PRSS55: variants seen among roughly 807,000 people sequenced by gnomAD.
PRSS55 encodes probable serine protease UNQ9391/PRO34284.
PRSS55 carries 41 observed loss-of-function variants against 23.6 expected under a neutral mutation model. The observed-to-expected ratio is 1.74, with a 90% CI of 1.35 to 2.26. The LOEUF is 2.26. Among genes scored for constraint, PRSS55 ranks in the 30% most tolerant of loss-of-function variants. The pLI is 0.00. For synonymous variants in PRSS55, 262 were observed against 175.5 expected (o/e 1.49, Z -3.90); for missense variants, 669 against 439.1 (o/e 1.52, Z -4.68).
chr8:10,545,081 G>A (rs1182499294), intron 4 of PRSS55: 1 of 893,476 alleles, frequency 1.1e-6, no homozygotes, highest in Non-Finnish European at 1.3e-6. Flanking sequence ...CAGGGCTTTT[G>A]GTTTTTGGTT....
At chr8:10,526,351 G>T (rs1812022398) in intron 1 of PRSS55, among the ~76,000 whole-genome samples, 1 of 152,216 alleles carries the variant, frequency 6.6e-6, no homozygotes, top group African/African-American at 2.4e-5. Flanking sequence ...GCCCCAGGGG[G>T]AAATGATAGA....
chr8:10,547,243 A>C (rs1194504921), intron 4 of PRSS55, among the ~76,000 whole-genome samples: 1 of 152,182 alleles, frequency 6.6e-6, no homozygotes, highest in African/African-American at 2.4e-5. Context: ...GTAGTGGTCC[A>C]GGCGTGCGCC....
In PRSS55 at chr8:10,538,631, C is replaced by T; in HGVS notation, c.897C>T (p.Thr299=). 1.2e-6 allele frequency: 2 copies of T among 1,614,086 alleles called. No individual in the cohort carries two copies. The highest frequency in any genetic ancestry group is 1.7e-5 in the Admixed American group (1 of 60,020). The part of the protein sequence containing the change: ...VNYNLWIEKV[T]QLEGRPFNAE... ...ACAACCTCTGGATCGAGAAAGTGAC[C>T]CAGCTAGAGGGCAGGCCCTTCAATG... Residue 299 remains threonine, a synonymous_variant, in exon 5 of 5, where the codon ACC becomes ACT. Coordinates refer to ENST00000328655, the MANE Select transcript of PRSS55 (RefSeq NM_198464.4).
intron 4 of PRSS55, among the ~76,000 whole-genome samples, chr8:10,545,809 G>A (rs1812803388): frequency 6.6e-6 from 1 of 152,182 alleles, no homozygotes; most frequent in African/African-American, 2.4e-5. Flanking sequence ...GCTTAATTGG[G>A]CACTGTTGCT....
At chr8:10,535,023 T>A (rs1237837799) in intron 4 of PRSS55, among the ~76,000 whole-genome samples, 1 of 152,030 alleles carries the variant, frequency 6.6e-6, no homozygotes, top group African/African-American at 2.4e-5. Context: ...AGGTGAAAGA[T>A]CTCTACAATA....
chr8:10,552,603 A>G (rs1044521302), intron 4 of PRSS55, among the ~76,000 whole-genome samples: 3 of 152,244 alleles, frequency 2.0e-5, no homozygotes, highest in Non-Finnish European at 4.4e-5. Flanking sequence ...CCCAATTTAA[A>G]AATGGGCAAA....
chr8:10,532,706 T>G (rs1351264736), intron 3 of PRSS55, among the ~76,000 whole-genome samples, 200 bp from the exon 4 acceptor site: 1 of 152,154 alleles, frequency 6.6e-6, no homozygotes, highest in African/African-American at 2.4e-5. Context: ...AGAAGAATAG[T>G]TCCAGTAGCT....
chr8:10,531,707 C>G (rs1344860275), intron 3 of PRSS55, 162 bp downstream of exon 3: 23 of 974,370 alleles, frequency 2.4e-5, no homozygotes, highest in Middle Eastern at 3.3e-4. Flanking sequence ...GTGCCGAAAC[C>G]CCAAGGTGAG....
rs147875841 is a variant in PRSS55, at chr8:10,531,310, T to A, written c.363T>A (p.Ser121Arg). The A allele has an allele frequency of 2.1e-4, 338 of 1,614,040 alleles. 2 individuals are homozygous for A. In the East Asian group the frequency reaches 7.4e-3, roughly 35 times the overall value. The change falls in exon 3 of 5, where the codon AGT becomes AGA. Residue 121 changes from serine (S) to arginine (R), a missense_variant. Ser to Arg is a moderately radical substitution (Grantham distance 110). Coordinates refer to ENST00000328655, the MANE Select transcript of PRSS55 (RefSeq NM_198464.4). ...CTGCCACCAGTCCAGAAGAACTGAGTGTCGTGCTGGGGACCAACGACTTAA... is the reference window on the plus strand; with the variant it reads ...CTGCCACCAGTCCAGAAGAACTGAGAGTCGTGCTGGGGACCAACGACTTAA... ...YSEELFPEEL[S>R]VVLGTNDLTS...
downstream of PRSS55, among the ~76,000 whole-genome samples, chr8:10,543,406 T>TTTC (rs1411881241): frequency 3.9e-5 from 3 of 77,522 alleles, no homozygotes; most frequent in Non-Finnish European, 6.3e-5. Context: ...TTTTTCTTTC[T>TTTC]TTCTTTCTTC....
intron 4 of PRSS55, among the ~76,000 whole-genome samples, chr8:10,536,113 G>A (rs943864356): frequency 1.3e-5 from 2 of 152,294 alleles, no homozygotes; most frequent in Non-Finnish European, 2.9e-5. Flanking sequence ...GTGAACCCAG[G>A]AGGCGGAGCT....
Position 10,530,852 on chromosome 8 carries a change from T to G in PRSS55, c.348-443T>G, listed in dbSNP as rs146215018. 5.3e-5 allele frequency among the ~76,000 whole-genome samples: 8 copies of G among 152,294 alleles called. No individual in the cohort carries two copies. In the East Asian group the frequency reaches 1.5e-3, roughly 29 times the overall value. On this transcript the variant is annotated intron_variant, in intron 2 of 4. Transcript: ENST00000328655. ...CTGAAGATCCTGTCTGCTTGGTCAGTGGCAGGTCTAGACTAACTTCTGGTC... is the reference window on the plus strand; with the variant it reads ...CTGAAGATCCTGTCTGCTTGGTCAGGGGCAGGTCTAGACTAACTTCTGGTC...
chr8:10,525,652 C>G lies in PRSS55; in HGVS notation c.67C>G (p.Pro23Ala), dbSNP rs1811988970. The G allele has an allele frequency of 1.2e-6, 2 of 1,614,164 alleles. No individual in the cohort carries two copies. The highest frequency in any genetic ancestry group is 1.7e-6 in the Non-Finnish European group (2 of 1,180,020). ...GGGAACTCAGCTCGGTCCACGGACT[C>G]CTCTCCCAGAGGCTGGAGTGGCTAT... ...VTGTQLGPRT[P>A]LPEAGVAILG... Residue 23 changes from proline (P) to alanine (A), a missense_variant, in exon 1 of 5, where the codon CCT (proline) becomes GCT (alanine). By Grantham distance (27) the Pro-to-Ala change is conservative. Coordinates refer to ENST00000328655, the MANE Select transcript of PRSS55 (RefSeq NM_198464.4).
At chr8:10,551,609 G>A (rs1210955176) in intron 4 of PRSS55, among the ~76,000 whole-genome samples, 1 of 152,204 alleles carries the variant, frequency 6.6e-6, no homozygotes, top group South Asian at 2.1e-4. Flanking sequence ...CCCACAGAGG[G>A]GCTTCACCTC....
At chr8:10,538,349 C>G (rs536028468) in intron 4 of PRSS55, 127 bp from the exon 5 acceptor site, 2 of 706,224 alleles carry the variant, frequency 2.8e-6, no homozygotes, top group East Asian at 5.3e-5. Context: ...TCCCGTGGAG[C>G]AGGGATGGGG....
At chr8:10,529,878 T>TGAG (rs1812187313) in intron 2 of PRSS55, among the ~76,000 whole-genome samples, 179 bp downstream of exon 2, 1 of 152,196 alleles carries the variant, frequency 6.6e-6, no homozygotes, top group South Asian at 2.1e-4. Context: ...GTAGCCAGCC[T>TGAG]GAGGCTGTGT....
chr8:10,546,979 A>G (rs1171095814), intron 4 of PRSS55, among the ~76,000 whole-genome samples: 1 of 152,058 alleles, frequency 6.6e-6, no homozygotes, highest in Non-Finnish European at 1.5e-5. Context: ...ACGGTGTCCG[A>G]CCCAGCCCTC....
intron 1 of PRSS55, among the ~76,000 whole-genome samples, chr8:10,526,292 C>T (rs374655787): frequency 2.1e-4 from 32 of 152,324 alleles, no homozygotes; most frequent in African/African-American, 5.0e-4. Context: ...TCTCAGACAA[C>T]GTGTGGATGA....
At chr8:10,536,467 G>A (rs534020382) in intron 4 of PRSS55, among the ~76,000 whole-genome samples, 7 of 152,298 alleles carry the variant, frequency 4.6e-5, no homozygotes, top group African/African-American at 1.7e-4. Context: ...AGATTTCTCA[G>A]AGAACTTAAA....
Sources: allele counts gnomAD v4.1 joint callset (sites outside exome capture counted in the v4.1 genomes callset), GRCh38; gene constraint gnomAD v4.1.1; transcripts MANE v1.5; gene names NCBI Gene and HGNC (gene_info 2026-07-23, HGNC 2026-07-21).